CACNA2D3: variants seen among roughly 807,000 people sequenced by gnomAD.
The protein encoded by CACNA2D3 is voltage-dependent calcium channel subunit alpha-2/delta-3.
In CACNA2D3, 60 loss-of-function variants were observed where a neutral mutation model predicts 160.6. That is an observed-to-expected ratio of 0.37 (90% CI 0.30 to 0.46). The LOEUF is 0.46. Among genes scored for constraint, CACNA2D3 ranks in the 20% least tolerant of loss-of-function variants. The pLI is 1.00. For missense variants in CACNA2D3, 1,205 were observed against 1,365.0 expected (o/e 0.88, Z 1.85); for synonymous variants, 558 against 492.9 (o/e 1.13, Z -1.75).
chr3:54,783,188 A>G (rs1414339682), intron 13 of CACNA2D3, among the ~76,000 whole-genome samples: 1 of 152,110 alleles, frequency 6.6e-6, no homozygotes, highest in Non-Finnish European at 1.5e-5. Flanking sequence ...GCTTTTAAGG[A>G]ACTGCCAAAG....
intron 35 of CACNA2D3, among the ~76,000 whole-genome samples, chr3:55,038,990 T>C (rs997021499): frequency 2.7e-5 from 4 of 150,626 alleles, no homozygotes; most frequent in African/African-American, 9.8e-5. Context: ...ACTAGAGCTG[T>C]GTGCCAAAAA....
At chr3:54,288,503 G>A (rs1428216272) in intron 2 of CACNA2D3, among the ~76,000 whole-genome samples, 5 of 152,298 alleles carry the variant, frequency 3.3e-5, no homozygotes, top group East Asian at 3.9e-4. Context: ...ACAAAGAGGA[G>A]CTGGTACCAT....
chr3:54,448,921 C>G (rs1304865192), intron 4 of CACNA2D3, among the ~76,000 whole-genome samples: 1 of 152,202 alleles, frequency 6.6e-6, no homozygotes, highest in African/African-American at 2.4e-5. Flanking sequence ...TGTGTCTCTT[C>G]ATGTCTTGGA....
At chr3:54,241,752 C>T (rs1701977082) in intron 2 of CACNA2D3, among the ~76,000 whole-genome samples, 1 of 152,144 alleles carries the variant, frequency 6.6e-6, no homozygotes, top group African/African-American at 2.4e-5. Flanking sequence ...GCCTCTAGGG[C>T]CACAGTCAGC....
chr3:54,520,440 A>C (rs1456641747), intron 5 of CACNA2D3, among the ~76,000 whole-genome samples: 2 of 152,164 alleles, frequency 1.3e-5, no homozygotes, highest in Non-Finnish European at 2.9e-5. Flanking sequence ...CAAAACCTAG[A>C]ACTGACTCAG....
chr3:54,792,798 T>C (rs1671926938), intron 13 of CACNA2D3, among the ~76,000 whole-genome samples: 2 of 152,248 alleles, frequency 1.3e-5, no homozygotes, highest in Admixed American at 1.3e-4. Flanking sequence ...GAGTTCTGAT[T>C]GGCCAGGCAG....
chr3:54,274,215 C>CATATATATAT (rs148715563), intron 2 of CACNA2D3, among the ~76,000 whole-genome samples: 20,394 of 149,530 alleles, frequency 0.14, 1,708 homozygotes, highest in Admixed American at 0.18. Context: ...GATTTCTATG[C>CATATATATAT]ATATATATAT....
intron 35 of CACNA2D3, among the ~76,000 whole-genome samples, chr3:55,054,065 G>A (rs1396511300): frequency 7.3e-6 from 1 of 137,388 alleles, no homozygotes; most frequent in Non-Finnish European, 1.6e-5. Flanking sequence ...GCTTTTTTTT[G>A]TATTGGTTGC....
At chr3:54,417,954 T>TG (rs1333202125) in intron 4 of CACNA2D3, among the ~76,000 whole-genome samples, 2 of 152,108 alleles carry the variant, frequency 1.3e-5, no homozygotes, top group African/African-American at 4.8e-5. Context: ...ACCCAGGTAA[T>TG]TTTTACATTT....
chr3:54,603,451 G>A (rs971039956), intron 9 of CACNA2D3, among the ~76,000 whole-genome samples: 1 of 152,220 alleles, frequency 6.6e-6, no homozygotes, highest in Non-Finnish European at 1.5e-5. Flanking sequence ...GCTCCCAGAA[G>A]ACAAGTCCTG....
chr3:54,363,686 A>G (rs896692705), intron 3 of CACNA2D3, among the ~76,000 whole-genome samples: 5 of 152,296 alleles, frequency 3.3e-5, no homozygotes, highest in African/African-American at 7.2e-5. Flanking sequence ...CAAGCAGTCA[A>G]GGTTGCTTTT....
chr3:54,237,738 A>C (rs1369481216), intron 2 of CACNA2D3, among the ~76,000 whole-genome samples: 3 of 152,140 alleles, frequency 2.0e-5, no homozygotes, highest in Non-Finnish European at 4.4e-5. Flanking sequence ...GGCTGCACCT[A>C]AGCATGCTGA....
chr3:54,972,465 G>C (rs1702296202), intron 29 of CACNA2D3, among the ~76,000 whole-genome samples: 1 of 152,130 alleles, frequency 6.6e-6, no homozygotes. Flanking sequence ...CTTTTAATTA[G>C]GCATATGAGA....
intron 4 of CACNA2D3, among the ~76,000 whole-genome samples, chr3:54,502,094 A>G (rs965131593): frequency 8.5e-5 from 13 of 152,318 alleles, no homozygotes; most frequent in Middle Eastern, 3.4e-3. Context: ...CAGTTTGAAT[A>G]TGATATGTGT....
chr3:54,982,658 A>G (rs1324694628), intron 29 of CACNA2D3, among the ~76,000 whole-genome samples: 1 of 151,976 alleles, frequency 6.6e-6, no homozygotes, highest in African/African-American at 2.4e-5. Context: ...GGGATCAAGA[A>G]TGGCTACACT....
At chr3:54,217,960 G>A (rs994186943) in intron 2 of CACNA2D3, among the ~76,000 whole-genome samples, 10 of 151,936 alleles carry the variant, frequency 6.6e-5, no homozygotes, top group African/African-American at 9.7e-5. Flanking sequence ...GTGTGTTGAG[G>A]GGGGTGTTTT....
chr3:54,340,290 CATTGAT>C (rs1420893153), intron 3 of CACNA2D3, among the ~76,000 whole-genome samples: 2 of 152,114 alleles, frequency 1.3e-5, no homozygotes, highest in Non-Finnish European at 2.9e-5. Flanking sequence ...TCATATCTGC[CATTGAT>C]ATTAAGTATC....
chr3:54,966,831 A>T lies in CACNA2D3; in HGVS notation c.2450-1619A>T, dbSNP rs546659514. 2.6e-5 allele frequency: 4 copies of T among 152,432 alleles called. No homozygotes were observed. In the East Asian group the frequency reaches 7.7e-4, roughly 29 times the overall value. 9.4% of individuals were successfully genotyped at this position (152,432 alleles called of 1,614,324 possible). Reference sequence around the variant, plus strand: ...GAGATTCTGTCTCAAACAAACAAACAAACAAACGATTCGCATAGGTGTTAC... The same window carrying T: ...GAGATTCTGTCTCAAACAAACAAACTAACAAACGATTCGCATAGGTGTTAC... On this transcript the variant is annotated intron_variant, in intron 27 of 37. Transcript: ENST00000474759.
intron 32 of CACNA2D3, among the ~76,000 whole-genome samples, chr3:55,006,083 G>A (rs531738401): frequency 5.2e-4 from 79 of 152,288 alleles, no homozygotes; most frequent in Middle Eastern, 6.8e-3. Context: ...TTTTTAGTGA[G>A]ACTCACTATG....
Sources: gnomAD v4.1 joint callset for allele counts (sites outside exome capture counted in the v4.1 genomes callset) on GRCh38, gnomAD v4.1.1 for gene constraint, MANE v1.5 for transcripts, NCBI Gene and HGNC (gene_info 2026-07-23, HGNC 2026-07-21) for gene names.